The following ZBTB38 variants were observed in gnomAD, a reference collection of about 807,000 sequenced individuals.
The protein encoded by ZBTB38 is zinc finger and BTB domain containing 38.
ZBTB38 carries 20 observed loss-of-function variants against 76.8 expected under a neutral mutation model. The observed-to-expected ratio is 0.26, with a 90% CI of 0.18 to 0.38. The LOEUF is 0.38. Among genes scored for constraint, ZBTB38 ranks in the 10% least tolerant of loss-of-function variants. The pLI is 1.00. For synonymous variants in ZBTB38, 504 were observed against 544.2 expected (o/e 0.93, Z 1.03); for missense variants, 1,082 against 1,482.3 (o/e 0.73, Z 4.43).
intron 1 of ZBTB38, among the ~76,000 whole-genome samples, chr3:141,333,493 C>A (rs1942914816): frequency 6.6e-6 from 1 of 152,124 alleles, no homozygotes; most frequent in Non-Finnish European, 1.5e-5. Flanking sequence ...CCACTCAGAT[C>A]ACATTTGTGA....
rs1471032542 is a variant in ZBTB38 at position 141,442,915 on chromosome 3, G to A, written c.527G>A (p.Ser176Asn). ...NAFSIIETEN[S>N]NNMFSPLDLR... ...TTTTCCATCATCGAAACAGAAAATA[G>A]TAATAACATGTTTTCCCCGCTGGAC... is the stretch of plus-strand genomic sequence containing the variant. Residue 176 changes from serine to asparagine, a missense_variant, in exon 6 of 6, where the codon AGT (serine) becomes AAT (asparagine). This residue lies in a region of ZBTB38 where 324 missense variants were observed against 359.1 expected (regional missense o/e 0.90). Coordinates refer to ENST00000321464, the MANE Select transcript of ZBTB38 (RefSeq NM_001376113.1). This position sits in a 1 kb window ranked among gnomAD's most constrained non-coding sequence, Gnocchi z 6.4. 3 of 1,614,212 alleles carry A rather than the reference G, an allele frequency of 1.9e-6. No homozygotes were observed. The highest frequency in any genetic ancestry group is 4.5e-5 in the East Asian group (2 of 44,884).
At chr3:141,376,003 C>T (rs1258302235) in intron 2 of ZBTB38, among the ~76,000 whole-genome samples, 7 of 152,156 alleles carry the variant, frequency 4.6e-5, no homozygotes, top group Non-Finnish European at 7.4e-5. Context: ...CAACAAAAAA[C>T]CATTTTCTTT....
intron 3 of ZBTB38, chr3:141,386,506 A>G (rs1947168624): frequency 6.6e-6 from 1 of 152,212 alleles, no homozygotes; most frequent in Non-Finnish European, 1.5e-5. Flanking sequence ...ATAATCTAGA[A>G]ATGCTATACC....
chr3:141,383,180 C>A (rs566609086), intron 3 of ZBTB38, among the ~76,000 whole-genome samples: 74 of 152,130 alleles, frequency 4.9e-4, no homozygotes, highest in Non-Finnish European at 8.5e-4. Context: ...GCCCAGGTCT[C>A]TAGGCAAGAT....
chr3:141,384,481 G>A (rs1420374965), intron 3 of ZBTB38, among the ~76,000 whole-genome samples: 1 of 152,198 alleles, frequency 6.6e-6, no homozygotes, highest in Admixed American at 6.5e-5. Flanking sequence ...TGAATGTCTA[G>A]CTTTCAAACG....
chr3:141,429,607 G>A (rs2077056061), intron 5 of ZBTB38, among the ~76,000 whole-genome samples: 1 of 152,186 alleles, frequency 6.6e-6, no homozygotes, highest in South Asian at 2.1e-4. Flanking sequence ...TTACTTTCTG[G>A]CGGGCAGAGT....
At chr3:141,441,726 G>GGCAACA (rs985420411) in intron 5 of ZBTB38, among the ~76,000 whole-genome samples, 1 of 152,054 alleles carries the variant, frequency 6.6e-6, no homozygotes, top group African/African-American at 2.4e-5. Flanking sequence ...AAATAGCCTG[G>GGCAACA]GCAACATAGC....
intron 5 of ZBTB38, among the ~76,000 whole-genome samples, chr3:141,437,948 G>C (rs1185673378): frequency 6.6e-6 from 1 of 151,898 alleles, no homozygotes; most frequent in African/African-American, 2.4e-5. Context: ...GTCTCGCTCT[G>C]TTGCCCAGGC....
chr3:141,351,721 T>TTTTTTTTTTTTTTTTTTTTTTTTTTTG (rs1559917084), intron 1 of ZBTB38, among the ~76,000 whole-genome samples: 2 of 123,158 alleles, frequency 1.6e-5, no homozygotes, highest in Non-Finnish European at 1.7e-5. Flanking sequence ...CTCTGTCTCT[T>TTTTTTTTTTTTTTTTTTTTTTTTTTTG]AAAAAAAAAA....
intron 5 of ZBTB38, chr3:141,434,126 T>G: frequency 1.1e-6 from 1 of 903,072 alleles, no homozygotes; most frequent in Non-Finnish European, 1.3e-6. Context: ...GATATAAATG[T>G]GAACAAATGC....
At chr3:141,339,733 G>C (rs558886361) in intron 1 of ZBTB38, among the ~76,000 whole-genome samples, 1 of 152,328 alleles carries the variant, frequency 6.6e-6, no homozygotes, top group African/African-American at 2.4e-5. Flanking sequence ...CCAAATTCGA[G>C]GAGGAGTGGG....
chr3:141,446,097 ACTCATTTGTG>A lies in ZBTB38; in HGVS notation c.*122_*131del. The A allele has an allele frequency of 3.3e-5, 29 of 890,110 alleles. No individual in the cohort carries two copies. The highest frequency in any genetic ancestry group is 3.9e-5 in the Non-Finnish European group (25 of 642,968). The allele number at this position is 890,110 out of a possible 1,614,324, so 55.1% of individuals were successfully genotyped here. On this transcript the variant is annotated 3_prime_UTR_variant, in exon 6 of 6. Coordinates refer to ENST00000321464, the MANE Select transcript of ZBTB38 (RefSeq NM_001376113.1). Reference sequence around the variant, plus strand: ...AGGAGTGAAATTAAAAAAAAAAAAAACTCATTTGTGAAAATTCCAGAAAAAGGATCCTAAT... The same window carrying A: ...AGGAGTGAAATTAAAAAAAAAAAAAAAAAATTCCAGAAAAAGGATCCTAAT...
intron 1 of ZBTB38, among the ~76,000 whole-genome samples, chr3:141,340,010 A>G (rs2148901671): frequency 6.6e-6 from 1 of 152,370 alleles, no homozygotes; most frequent in Non-Finnish European, 1.5e-5. Context: ...AGGCAGACAC[A>G]GTGATTATTC....
intron 5 of ZBTB38, among the ~76,000 whole-genome samples, chr3:141,425,259 C>G (rs2150301920): frequency 6.6e-6 from 1 of 152,314 alleles, no homozygotes; most frequent in Non-Finnish European, 1.5e-5. Context: ...TTCAGTTCAG[C>G]AACTTTAGTC....
At position 141,442,235 on chromosome 3, in the gene ZBTB38, T is replaced by C. The variant is rs960172312; in HGVS notation, c.1-154T>C. Among the ~76,000 whole-genome samples the C allele has an allele frequency of 2.0e-5, 3 of 152,186 alleles. No homozygotes were observed. The highest frequency in any genetic ancestry group is 4.4e-5 in the Non-Finnish European group (3 of 68,026). On this transcript the variant is annotated intron_variant, in intron 5 of 5. Coordinates refer to ENST00000321464, the MANE Select transcript of ZBTB38 (RefSeq NM_001376113.1). This position sits in a 1 kb window ranked among gnomAD's most constrained non-coding sequence, Gnocchi z 6.4. ...GGCAAGAAAAAGATTTAGCTTCTAA[T>C]GTTGACTCTTGAGTCTCGGGAGCAT... is the stretch of plus-strand genomic sequence containing the variant.
At chr3:141,350,762 C>G (rs1343087196) in intron 1 of ZBTB38, among the ~76,000 whole-genome samples, 2 of 152,086 alleles carry the variant, frequency 1.3e-5, no homozygotes, top group African/African-American at 2.4e-5. Context: ...AAAAATTGTT[C>G]CAATGCCTTC....
At chr3:141,339,820 A>G (rs572590839) in intron 1 of ZBTB38, among the ~76,000 whole-genome samples, 73 of 152,312 alleles carry the variant, frequency 4.8e-4, no homozygotes, top group African/African-American at 1.7e-3. Flanking sequence ...TGAATCAGCA[A>G]ATGAATTCAT....
At chr3:141,366,591 G>T (rs1368883896), upstream of ZBTB38, 1 of 152,228 alleles carries the variant, frequency 6.6e-6, no homozygotes, top group Non-Finnish European at 1.5e-5. Flanking sequence ...TGGAACAAGT[G>T]CAATTCCTCA....
chr3:141,426,296 C>A, intron 5 of ZBTB38: 1 of 761,726 alleles, frequency 1.3e-6, no homozygotes, highest in Non-Finnish European at 1.9e-6. Flanking sequence ...GGCTCAGTGT[C>A]AGTGATATCA....
Sources: gnomAD v4.1 joint callset for allele counts (sites outside exome capture counted in the v4.1 genomes callset) on GRCh38, gnomAD v4.1.1 for gene constraint, gnomAD v4.1.1 regional missense constraint, Gnocchi (gnomAD v3.1) non-coding constraint, MANE v1.5 for transcripts, NCBI Gene and HGNC (gene_info 2026-07-23, HGNC 2026-07-21) for gene names.